Variants in SEC62 observed in about 807,000 individuals in gnomAD.
The protein encoded by SEC62 is translocation protein SEC62.
SEC62 carries 10 observed loss-of-function variants against 47.5 expected under a neutral mutation model. The ratio of observed to expected loss-of-function variants is 0.21; its 90% confidence interval spans 0.13 to 0.36. The LOEUF (loss-of-function observed/expected upper bound fraction) is 0.36. Ranked by LOEUF, SEC62 falls within the 10% of genes least tolerant of loss-of-function variation. The pLI is 1.00. For synonymous variants in SEC62, 136 were observed against 150.5 expected (o/e 0.90, Z 0.71); for missense variants, 327 against 464.1 (o/e 0.70, Z 2.71).
chr3:169,982,239 G>GA (rs1227068959), intron 3 of SEC62, among the ~76,000 whole-genome samples: 1 of 152,172 alleles, frequency 6.6e-6, no homozygotes, highest in Admixed American at 6.5e-5. Context: ...AGTACTTGGA[G>GA]AAAAAATAAC....
intron 1 of SEC62, among the ~76,000 whole-genome samples, chr3:169,967,468 A>C (rs1347596751): frequency 6.6e-6 from 1 of 152,146 alleles, no homozygotes; most frequent in Non-Finnish European, 1.5e-5. Flanking sequence ...GTCCACTTGA[A>C]GCTTGCCGGC....
intron 1 of SEC62, among the ~76,000 whole-genome samples, chr3:169,970,017 T>C (rs1714658616): frequency 6.6e-6 from 1 of 152,210 alleles, no homozygotes. Context: ...AATTTGGGAC[T>C]ATATAGCCAG....
At chr3:169,967,217 CG>C (rs1270745574) in intron 1 of SEC62, among the ~76,000 whole-genome samples, 1 of 152,204 alleles carries the variant, frequency 6.6e-6, no homozygotes, top group Non-Finnish European at 1.5e-5. Context: ...TGACCCTTCC[CG>C]GGGCTCCTCC....
At chr3:169,966,901 A>T in intron 1 of SEC62, 43 bp downstream of exon 1, 1 of 1,319,406 alleles carries the variant, frequency 7.6e-7, no homozygotes, top group Non-Finnish European at 1.0e-6. Flanking sequence ...GGCGCGCTGG[A>T]TAGTGGAAGG....
intron 1 of SEC62, among the ~76,000 whole-genome samples, chr3:169,973,285 GT>G (rs986917172): frequency 1.3e-5 from 2 of 152,124 alleles, no homozygotes; most frequent in Non-Finnish European, 2.9e-5. Context: ...ATATTTTGCA[GT>G]CAGGCCTCAA....
In SEC62 at chr3:169,996,412, G is replaced by C. The variant is rs1715377245; in HGVS notation, c.*3349G>C. ...AATACTGAGCACTTACCATGTACCA[G>C]AATTTTACTAGGCACAACCATGAAT... On this transcript the variant is annotated 3_prime_UTR_variant, in exon 8 of 8. Transcript: ENST00000337002. 1 of 152,618 alleles carries C rather than the reference G, an allele frequency of 6.6e-6. No individual in the cohort carries two copies. Among genetic ancestry groups the C allele is most frequent in the Non-Finnish European group, 1.5e-5 (1 of 68,030 alleles). 9.5% of individuals were successfully genotyped at this position (152,618 alleles called of 1,614,324 possible).
intron 7 of SEC62, among the ~76,000 whole-genome samples, chr3:169,988,947 AAAC>A (rs1258170323): frequency 6.6e-6 from 1 of 152,154 alleles, no homozygotes; most frequent in Admixed American, 6.5e-5. Context: ...AAATGATTCT[AAAC>A]AATTGATTTG....
chr3:169,967,507 C>G (rs1290219132), intron 1 of SEC62, among the ~76,000 whole-genome samples: 1 of 152,164 alleles, frequency 6.6e-6, no homozygotes, highest in African/African-American at 2.4e-5. Context: ...GTGTAAACAA[C>G]CACAACCTCG....
chr3:169,984,353 A>G (rs576417548), intron 5 of SEC62, among the ~76,000 whole-genome samples: 2 of 152,350 alleles, frequency 1.3e-5, no homozygotes, highest in Non-Finnish European at 2.9e-5. Flanking sequence ...TAGCAAAGAT[A>G]CAGGCACTTA....
In SEC62 at chr3:169,993,114, A is replaced by C; in HGVS notation, c.*51A>C. 1 of 1,311,574 alleles carries C rather than the reference A, an allele frequency of 7.6e-7. No homozygotes were observed. 81.2% of individuals were successfully genotyped at this position (1,311,574 alleles called of 1,614,324 possible). On this transcript the variant is annotated 3_prime_UTR_variant, in exon 8 of 8. Transcript: ENST00000337002. Reference sequence around the variant, plus strand: ...ATAAGTACAAGAGGTTGGATTTTCTATGTTGGCTGATTACCATATTGAACA... The same window carrying C: ...ATAAGTACAAGAGGTTGGATTTTCTCTGTTGGCTGATTACCATATTGAACA...
Position 169,993,771 on chromosome 3 carries a change from G to A in SEC62, c.*708G>A, listed in dbSNP as rs183913324. ...TCCCTCCTCCCTCCCCATTTCATTG[G>A]CGTAACGTAAAGTGTATTCTGTACA... On this transcript the variant is annotated 3_prime_UTR_variant, in exon 8 of 8. Coordinates refer to ENST00000337002, the MANE Select transcript of SEC62 (RefSeq NM_003262.4). 1 of 152,680 alleles carries A rather than the reference G, an allele frequency of 6.5e-6. No homozygotes were observed. Among genetic ancestry groups the A allele is most frequent in the East Asian group, 1.9e-4 (1 of 5,190 alleles). The allele number at this position is 152,680 out of a possible 1,614,324, so 9.5% of individuals were successfully genotyped here. A position where few individuals can be genotyped will look rare whatever the true frequency, so the allele number is the denominator to read the frequency against.
chr3:169,996,732 C>T lies in SEC62; in HGVS notation c.*3669C>T, dbSNP rs998195320. The stretch of plus-strand genomic sequence containing the variant: ...AGGTCACTTCTCCCAAACTCCTTCC[C>T]TGCTTTCCAGGTTGCCAGTCCCTGC... On this transcript the variant is annotated 3_prime_UTR_variant, in exon 8 of 8. Transcript: ENST00000337002. The T allele has an allele frequency of 1.3e-5, 2 of 152,390 alleles. No homozygotes were observed. The highest frequency in any genetic ancestry group is 4.8e-5 in the African/African-American group (2 of 41,466). The allele number at this position is 152,390 out of a possible 1,614,324, so 9.4% of individuals were successfully genotyped here.
chr3:169,970,174 A>G (rs1714663373), intron 1 of SEC62, among the ~76,000 whole-genome samples: 1 of 152,232 alleles, frequency 6.6e-6, no homozygotes, highest in South Asian at 2.1e-4. Context: ...ATACAATAGA[A>G]GGGAGTTGGA....
intron 3 of SEC62, among the ~76,000 whole-genome samples, chr3:169,982,105 A>AT (rs1714988590): frequency 1.3e-5 from 2 of 152,200 alleles, no homozygotes; most frequent in South Asian, 4.1e-4. Flanking sequence ...GTTTTGCCAA[A>AT]TATATTGCAC....
Position 169,993,260 on chromosome 3 carries a change from T to C in SEC62, c.*197T>C, listed in dbSNP as rs1715290776. On this transcript the variant is annotated 3_prime_UTR_variant, in exon 8 of 8. Transcript: ENST00000337002. ...TATTATTGGTACAGTTTAAAGCCATTAATATGTTTTATCCATTTGATAATT... is the reference window on the plus strand; with the variant it reads ...TATTATTGGTACAGTTTAAAGCCATCAATATGTTTTATCCATTTGATAATT... 5.9e-6 allele frequency: 3 copies of C among 510,758 alleles called. No homozygotes were observed. The East Asian group carries it at 9.7e-5, about 17-fold the overall frequency. 31.6% of individuals were successfully genotyped at this position (510,758 alleles called of 1,614,324 possible). A position where few individuals can be genotyped will look rare whatever the true frequency, so the allele number is the denominator to read the frequency against.
intron 1 of SEC62, among the ~76,000 whole-genome samples, chr3:169,974,549 T>C (rs1714780294): frequency 6.6e-6 from 1 of 152,134 alleles, no homozygotes; most frequent in Non-Finnish European, 1.5e-5. Flanking sequence ...TGGGAAAAGA[T>C]ATAGAAGAAA....
chr3:169,987,360 C>G (rs532249428), intron 6 of SEC62, among the ~76,000 whole-genome samples: 1 of 152,070 alleles, frequency 6.6e-6, no homozygotes, highest in Non-Finnish European at 1.5e-5. Flanking sequence ...TCGAGGCTGT[C>G]GTGAGCCAAG....
chr3:169,976,330 T>G (rs1714836473), intron 2 of SEC62, among the ~76,000 whole-genome samples: 1 of 152,060 alleles, frequency 6.6e-6, no homozygotes, highest in South Asian at 2.1e-4. Flanking sequence ...ATCCCACCAC[T>G]GTACTCCAGC....
rs1715280592 is a variant in SEC62 at position 169,992,885 on chromosome 3, C to T, written c.1022C>T (p.Ser341Leu). The T allele has an allele frequency of 1.9e-6, 3 of 1,613,948 alleles. No homozygotes were observed. Among genetic ancestry groups the T allele is most frequent in the East Asian group, 2.2e-5 (1 of 44,884 alleles). ...GTEGSGGERH[S>L]DTDSDRREDD... is the part of the protein sequence containing the mutation. ...GAAGGCTCGGGGGGAGAACGGCATT[C>T]AGACACGGACAGTGACAGGAGGGAA... The change falls in exon 8 of 8, where the codon TCA becomes TTA. Residue 341 changes from serine to leucine, a missense_variant. Ser to Leu is a moderately radical substitution (Grantham distance 145). Around this residue, in one of 3 missense-constraint regions of SEC62, gnomAD observed 102 missense variants for 108.8 expected, o/e 0.94. Transcript: ENST00000337002. This position sits in a 1 kb window ranked among gnomAD's most constrained non-coding sequence, Gnocchi z 4.0.
Sources: allele counts gnomAD v4.1 joint callset (sites outside exome capture counted in the v4.1 genomes callset), GRCh38; gene constraint gnomAD v4.1.1; regional missense constraint gnomAD v4.1.1; non-coding constraint Gnocchi (gnomAD v3.1); transcripts MANE v1.5; gene names NCBI Gene and HGNC (gene_info 2026-07-23, HGNC 2026-07-21).